The following SLC30A8 variants were observed in gnomAD, a reference collection of about 807,000 sequenced individuals.
The protein encoded by SLC30A8 is solute carrier family 30 member 8.
In SLC30A8, 27 loss-of-function variants were observed where a neutral mutation model predicts 36.9. That is an observed-to-expected ratio of 0.73 (90% CI 0.54 to 1.01). The LOEUF is 1.01. Among genes scored for constraint, SLC30A8 ranks in the 50% least tolerant of loss-of-function variants. SLC30A8 has a pLI of 0.00. For synonymous variants in SLC30A8, 164 were observed against 172.4 expected, an observed-to-expected ratio of 0.95 and a Z score of 0.38; for missense variants, 439 against 452.0, an observed-to-expected ratio of 0.97 and a Z score of 0.26.
At chr8:117,165,973 G>T (rs912680868) in intron 6 of SLC30A8, among the ~76,000 whole-genome samples, 6 of 152,232 alleles carry the variant, frequency 3.9e-5, no homozygotes, top group Middle Eastern at 3.4e-3. Flanking sequence ...AGCAGAGGGA[G>T]GGAAGGGGAA....
At chr8:117,039,322 C>T (rs1296173450) in intron 2 of SLC30A8, 1 of 152,042 alleles carries the variant, frequency 6.6e-6, no homozygotes, top group African/African-American at 2.4e-5. Flanking sequence ...TGGTAGTATG[C>T]TTTATTTTTT....
chr8:117,132,835 T>C (rs1821189973), upstream of SLC30A8, among the ~76,000 whole-genome samples: 2 of 152,040 alleles, frequency 1.3e-5, no homozygotes, highest in African/African-American at 4.8e-5. Context: ...TGATATAATA[T>C]GCAATTCTTG....
At chr8:117,042,801 G>A (rs1030816706) in intron 2 of SLC30A8, among the ~76,000 whole-genome samples, 5 of 151,930 alleles carry the variant, frequency 3.3e-5, no homozygotes, top group Admixed American at 6.6e-5. Context: ...TCAGCCTCCC[G>A]AGTAGCTGGG....
rs577123919 is a variant in SLC30A8, at chr8:117,053,006, A to C, written c.-226+13748A>C. Among the ~76,000 whole-genome samples, 8 of 151,958 alleles carry C rather than the reference A, an allele frequency of 5.3e-5. No individual in the cohort carries two copies. In the East Asian group the frequency reaches 1.6e-3, roughly 30 times the overall value. ...ACTGCAACCTCCGCCTCCCAGGTTC[A>C]AACGATTCTTCTGCCTCAGGCCTCA... is the stretch of plus-strand genomic sequence containing the variant. On this transcript the variant is annotated intron_variant, in intron 2 of 10. Transcript: ENST00000427715.
chr8:117,135,616 C>T (rs1821326243), intron 1 of SLC30A8, among the ~76,000 whole-genome samples: 1 of 151,948 alleles, frequency 6.6e-6, no homozygotes, highest in African/African-American at 2.4e-5. Context: ...ATAAAGAACA[C>T]ATTTTACTGA....
Position 117,068,413 on chromosome 8 carries a change from TTTAA to T in SLC30A8, c.-226+29162_-226+29165del, listed in dbSNP as rs780362935. The stretch of plus-strand genomic sequence containing the variant: ...TTTCTAAAACAAGGATGATTATGAC[TTTAA>T]TTAATTGGCAGAAGAGTCACACTGG... On this transcript the variant is annotated intron_variant, in intron 2 of 10. Coordinates refer to the SLC30A8 transcript ENST00000427715. Among the ~76,000 whole-genome samples the T allele has an allele frequency of 1.2e-4, 19 of 152,318 alleles. No individual in the cohort carries two copies. In the East Asian group the frequency reaches 3.3e-3, roughly 26 times the overall value.
chr8:117,161,705 CAT>C, intron 4 of SLC30A8, 31 bp from the exon 5 acceptor site: 2 of 1,590,574 alleles, frequency 1.3e-6, no homozygotes, highest in Non-Finnish European at 1.7e-6. Flanking sequence ...AGACTGACCT[CAT>C]GTGTGCTAAG....
chr8:117,047,664 T>C (rs961243211), intron 2 of SLC30A8, among the ~76,000 whole-genome samples: 14 of 152,078 alleles, frequency 9.2e-5, no homozygotes, highest in African/African-American at 3.4e-4. Context: ...TTAGGGGTCA[T>C]TTCGTCAGAG....
intron 1 of SLC30A8, among the ~76,000 whole-genome samples, chr8:117,020,139 A>G (rs559305230): frequency 6.6e-6 from 1 of 152,340 alleles, no homozygotes; most frequent in East Asian, 1.9e-4. Context: ...GTTGCAACTT[A>G]GCTTCCAACA....
chr8:117,024,541 T>C (rs1452419550), intron 1 of SLC30A8, among the ~76,000 whole-genome samples: 4 of 152,362 alleles, frequency 2.6e-5, no homozygotes, highest in African/African-American at 9.6e-5. Context: ...TTATTGTACT[T>C]GTATTACCCC....
At chr8:117,117,702 A>G (rs181426509) in intron 2 of SLC30A8, among the ~76,000 whole-genome samples, 2 of 152,134 alleles carry the variant, frequency 1.3e-5, no homozygotes, top group South Asian at 2.1e-4. Context: ...TTGCAGTTCT[A>G]GCTCTAGGGA....
chr8:117,059,045 C>A (rs1006276290), intron 2 of SLC30A8, among the ~76,000 whole-genome samples: 7 of 152,102 alleles, frequency 4.6e-5, no homozygotes, highest in Non-Finnish European at 1.0e-4. Flanking sequence ...TACTGCAGAA[C>A]ATTATAAAGT....
At chr8:117,079,918 C>T (rs1433734164) in intron 2 of SLC30A8, among the ~76,000 whole-genome samples, 1 of 152,174 alleles carries the variant, frequency 6.6e-6, no homozygotes, top group Non-Finnish European at 1.5e-5. Context: ...CTAAAAGCAT[C>T]CAGAATCCTA....
intron 1 of SLC30A8, among the ~76,000 whole-genome samples, chr8:117,138,122 C>T (rs1016116758): frequency 1.5e-5 from 2 of 137,258 alleles, no homozygotes; most frequent in Non-Finnish European, 3.2e-5. Context: ...AACTACAACA[C>T]GAAAAACAAT....
intron 1 of SLC30A8, among the ~76,000 whole-genome samples, chr8:117,138,174 C>CT (rs1250707548): frequency 3.3e-5 from 5 of 150,598 alleles, no homozygotes; most frequent in Non-Finnish European, 4.4e-5. Flanking sequence ...TCAAGTTTCT[C>CT]TTTTCCCCAA....
rs1271726667 is a variant in SLC30A8, at chr8:117,153,004, T to G, written c.332T>G (p.Leu111Arg). The change falls in exon 3 of 8, where the codon CTG (leucine) becomes CGG (arginine). Residue 111 changes from leucine (L) to arginine (R), a missense_variant. Physicochemically the swap from Leu to Arg is moderately radical, Grantham distance 102. Coordinates refer to ENST00000456015, the MANE Select transcript of SLC30A8 (RefSeq NM_173851.3). ...VTDAAHLLIDLTSFLLSLFSL... is the reference protein window; with the variant it reads ...VTDAAHLLIDRTSFLLSLFSL... The stretch of plus-strand genomic sequence containing the variant: ...GATGCTGCCCACCTCTTAATTGACC[T>G]GACCAGTTTCCTGCTCAGTCTCTTC... The G allele has an allele frequency of 6.2e-7, 1 of 1,613,766 alleles. No individual in the cohort carries two copies.
At chr8:117,046,418 T>A (rs1011231894) in intron 2 of SLC30A8, among the ~76,000 whole-genome samples, 1 of 152,224 alleles carries the variant, frequency 6.6e-6, no homozygotes, top group African/African-American at 2.4e-5. Context: ...AGGATACAAG[T>A]TAAGCCCTCA....
At chr8:117,039,766 T>C (rs1468099138) in intron 2 of SLC30A8, among the ~76,000 whole-genome samples, 1 of 152,266 alleles carries the variant, frequency 6.6e-6, no homozygotes, top group Non-Finnish European at 1.5e-5. Context: ...AGCTTTTCTG[T>C]ATGTTTGTGA....
In SLC30A8 at chr8:117,157,795, G is replaced by A; in HGVS notation, c.523G>A (p.Ala175Thr). 6.2e-7 allele frequency: 1 copy of A among 1,614,080 alleles called. No homozygotes were observed. Among genetic ancestry groups the A allele is most frequent in the Non-Finnish European group, 8.5e-7 (1 of 1,179,998 alleles). The change falls in exon 4 of 8, where the codon GCG becomes ACG. Residue 175 changes from alanine (A) to threonine (T), a missense_variant. Coordinates refer to ENST00000456015, the MANE Select transcript of SLC30A8 (RefSeq NM_173851.3). ...GCTGTATCCTGATTACCAGATCCAG[G>A]CGACTGTGATGATCATCGTTTCCAG... Reference protein sequence around the residue: ...RLLYPDYQIQATVMIIVSSCA... With the variant: ...RLLYPDYQIQTTVMIIVSSCA...
Sources: allele counts gnomAD v4.1 joint callset (sites outside exome capture counted in the v4.1 genomes callset), GRCh38; gene constraint gnomAD v4.1.1; transcripts MANE v1.5; gene names NCBI Gene and HGNC (gene_info 2026-07-23, HGNC 2026-07-21).